The following TRMT11 variants were observed in gnomAD, a reference collection of about 807,000 sequenced individuals.
The protein encoded by TRMT11 is tRNA methyltransferase 11.
Under a neutral mutation model 62.8 loss-of-function variants are expected in TRMT11, and 53 were observed. The ratio of observed to expected loss-of-function variants is 0.84; its 90% CI spans 0.68 to 1.06. The LOEUF is 1.06. Among genes scored for constraint, TRMT11 ranks in the 50% least tolerant of loss-of-function variants. The probability of loss-of-function intolerance (pLI) is 0.00; values close to 1 mark genes in which losing one functional copy is unlikely to be tolerated. For missense variants in TRMT11, 556 were observed against 553.4 expected (o/e 1.00, Z -0.05); for synonymous variants, 188 against 190.3 (o/e 0.99, Z 0.10).
chr6:126,136,696 A>G (rs1777853761), intron 21 of TRMT11, among the ~76,000 whole-genome samples: 1 of 151,972 alleles, frequency 6.6e-6, no homozygotes, highest in Admixed American at 6.6e-5. Context: ...AGCAAAAAGA[A>G]CAAAGCTGGA....
At chr6:126,173,726 TAC>T (rs1187717315), upstream of TRMT11, among the ~76,000 whole-genome samples, 1 of 152,222 alleles carries the variant, frequency 6.6e-6, no homozygotes, top group East Asian at 1.9e-4. Context: ...TTCAGTGTGT[TAC>T]AGAGACTGTG....
intron 21 of TRMT11, among the ~76,000 whole-genome samples, chr6:126,160,876 C>T (rs1462916348): frequency 6.6e-6 from 1 of 152,074 alleles, no homozygotes; most frequent in African/African-American, 2.4e-5. Context: ...TGACAGGAGC[C>T]TGTCAGAAAA....
chr6:126,256,614 G>A, the TRMT11 span, among the ~76,000 whole-genome samples: 1 of 152,252 alleles, frequency 6.6e-6, no homozygotes, highest in East Asian at 1.9e-4. Context: ...TAATGGAAGA[G>A]GAATAAGAAA....
intron 12 of TRMT11, among the ~76,000 whole-genome samples, chr6:126,035,234 C>T (rs539350464): frequency 1.3e-5 from 2 of 152,058 alleles, no homozygotes; most frequent in South Asian, 2.1e-4. Flanking sequence ...CTGAGTGTTT[C>T]GTGAGAAATA....
chr6:126,056,809 T>C (rs781777428), intron 17 of TRMT11, among the ~76,000 whole-genome samples: 3 of 152,208 alleles, frequency 2.0e-5, no homozygotes, highest in Non-Finnish European at 4.4e-5. Flanking sequence ...GGAACTGGCC[T>C]GATAGCTGGG....
chr6:126,265,766 C>T, the TRMT11 span, among the ~76,000 whole-genome samples: 1 of 152,126 alleles, frequency 6.6e-6, no homozygotes, highest in East Asian at 1.9e-4. Context: ...GAAACTTGAT[C>T]TTAGCATCAA....
chr6:126,036,064 C>T (rs545453900), intron 12 of TRMT11, among the ~76,000 whole-genome samples: 34 of 152,178 alleles, frequency 2.2e-4, no homozygotes, highest in African/African-American at 8.2e-4. Context: ...CTTACTACTG[C>T]AGTTCTAGAA....
At chr6:126,172,153 T>A (rs193273104) in intron 21 of TRMT11, among the ~76,000 whole-genome samples, 1 of 152,278 alleles carries the variant, frequency 6.6e-6, no homozygotes, top group East Asian at 1.9e-4. Context: ...CCCTAAGTGG[T>A]TTTTGCTTAG....
chr6:126,074,431 G>A (rs1776951369), intron 17 of TRMT11, among the ~76,000 whole-genome samples: 4 of 152,068 alleles, frequency 2.6e-5, no homozygotes, highest in Admixed American at 2.6e-4. Context: ...TCTCATCAAG[G>A]TAGACTTCTT....
chr6:126,240,648 C>A, the TRMT11 span, among the ~76,000 whole-genome samples: 1 of 152,216 alleles, frequency 6.6e-6, no homozygotes, highest in African/African-American at 2.4e-5. Flanking sequence ...TTAGGCTGCT[C>A]AGGGGTCAGG....
At chr6:126,033,718 A>T (rs1774651071) in intron 12 of TRMT11, among the ~76,000 whole-genome samples, 1 of 152,150 alleles carries the variant, frequency 6.6e-6, no homozygotes, top group Non-Finnish European at 1.5e-5. Flanking sequence ...AACAGCTATC[A>T]AAACGGTGCT....
At chr6:126,185,798 CA>C (rs889489957) in intron 1 of TRMT11, among the ~76,000 whole-genome samples, 4 of 152,278 alleles carry the variant, frequency 2.6e-5, no homozygotes, top group African/African-American at 9.6e-5. Context: ...AACTTACAAT[CA>C]TGGTGGAAGG....
intron 21 of TRMT11, among the ~76,000 whole-genome samples, chr6:126,161,629 T>C (rs1376035839): frequency 2.0e-5 from 3 of 152,244 alleles, no homozygotes; most frequent in Non-Finnish European, 4.4e-5. Context: ...ATGGTATTTC[T>C]AGTTCTAGAT....
chr6:126,103,676 A>T (rs1298952626), intron 17 of TRMT11, among the ~76,000 whole-genome samples: 2 of 152,192 alleles, frequency 1.3e-5, no homozygotes, highest in African/African-American at 4.8e-5. Flanking sequence ...CTCAGCAATT[A>T]TTGGCTGCCC....
the TRMT11 span, among the ~76,000 whole-genome samples, chr6:126,235,234 A>G: frequency 6.6e-6 from 1 of 152,310 alleles, no homozygotes; most frequent in African/African-American, 2.4e-5. Context: ...GAGAAAAATG[A>G]ATGCTTTTAC....
chr6:126,054,958 C>G (rs1776326659), intron 17 of TRMT11, among the ~76,000 whole-genome samples: 1 of 152,148 alleles, frequency 6.6e-6, no homozygotes, highest in Admixed American at 6.6e-5. Flanking sequence ...TCACCATATG[C>G]TGACGAACAT....
At chr6:126,253,272 A>G in the TRMT11 span, among the ~76,000 whole-genome samples, 1 of 152,188 alleles carries the variant, frequency 6.6e-6, no homozygotes, top group African/African-American at 2.4e-5. Flanking sequence ...GAAGGTCTTC[A>G]GGGGCAATAA....
chr6:126,015,182 A>G (rs921400906), intron 11 of TRMT11, among the ~76,000 whole-genome samples: 1 of 152,034 alleles, frequency 6.6e-6, no homozygotes, highest in Non-Finnish European at 1.5e-5. Flanking sequence ...TTTTTCCAAT[A>G]TTAACATATA....
intron 21 of TRMT11, among the ~76,000 whole-genome samples, chr6:126,138,009 A>G (rs932928296): frequency 6.6e-6 from 1 of 151,988 alleles, no homozygotes; most frequent in East Asian, 1.9e-4. Context: ...GTACAAAAAT[A>G]TAGTTAATAG....
Sources: allele counts gnomAD v4.1 joint callset (sites outside exome capture counted in the v4.1 genomes callset), GRCh38; gene constraint gnomAD v4.1.1; transcripts MANE v1.5; gene names NCBI Gene and HGNC (gene_info 2026-07-23, HGNC 2026-07-21).